The following SLC24A2 variants were observed in gnomAD, a reference collection of about 807,000 sequenced individuals.
SLC24A2 encodes the protein solute carrier family 24 member 2.
A neutral mutation model predicts 62.0 loss-of-function variants in SLC24A2; 36 were observed. That is an observed-to-expected ratio of 0.58 (90% CI 0.44 to 0.77). The LOEUF is 0.77. Ranked by LOEUF, SLC24A2 falls within the 30% of genes least tolerant of loss-of-function variation. The probability of loss-of-function intolerance (pLI) is 0.00; values close to 1 mark genes in which losing one functional copy is unlikely to be tolerated. For synonymous variants in SLC24A2, 358 were observed against 294.0 expected (o/e 1.22, Z -2.23); for missense variants, 846 against 817.9 (o/e 1.03, Z -0.42).
At chr9:20,146,420 AT>A in the SLC24A2 span, among the ~76,000 whole-genome samples, 1 of 152,136 alleles carries the variant, frequency 6.6e-6, no homozygotes, top group Non-Finnish European at 1.5e-5. Flanking sequence ...ATTTTAGGTG[AT>A]AATTAGATAA....
At chr9:20,079,519 T>C in the SLC24A2 span, among the ~76,000 whole-genome samples, 1 of 152,254 alleles carries the variant, frequency 6.6e-6, no homozygotes, top group Non-Finnish European at 1.5e-5. Flanking sequence ...ATGGACATAC[T>C]GCACATTGGC....
chr9:19,566,187 A>C (rs1233996860), intron 7 of SLC24A2, among the ~76,000 whole-genome samples: 2 of 151,230 alleles, frequency 1.3e-5, no homozygotes, highest in African/African-American at 2.4e-5. Context: ...CAACCTACAG[A>C]ATGGGAGAAA....
chr9:19,690,916 T>TGAGAGAGAGAGAGAGA (rs879313636), intron 2 of SLC24A2, among the ~76,000 whole-genome samples: 2 of 124,924 alleles, frequency 1.6e-5, no homozygotes, highest in Non-Finnish European at 3.7e-5. Flanking sequence ...TGTGTGTGCG[T>TGAGAGAGAGAGAGAGA]GTGAGAGAGA....
chr9:19,756,856 G>C (rs1822153647), intron 2 of SLC24A2, among the ~76,000 whole-genome samples: 1 of 137,054 alleles, frequency 7.3e-6, no homozygotes, highest in Non-Finnish European at 1.6e-5. Flanking sequence ...CGTGACATCA[G>C]AAATGTATAA....
chr9:20,215,794 G>T, the SLC24A2 span, among the ~76,000 whole-genome samples: 1 of 151,744 alleles, frequency 6.6e-6, no homozygotes, highest in African/African-American at 2.4e-5. Flanking sequence ...TGCAGGCTGG[G>T]CCTGTGAGAT....
chr9:20,296,863 CCTGA>C, the SLC24A2 span, among the ~76,000 whole-genome samples: 28 of 152,190 alleles, frequency 1.8e-4, no homozygotes, highest in African/African-American at 6.0e-4. Flanking sequence ...TGTTAGTACA[CCTGA>C]CTGTTTATGC....
chr9:20,015,455 C>A, the SLC24A2 span, among the ~76,000 whole-genome samples: 1 of 152,204 alleles, frequency 6.6e-6, no homozygotes, highest in Non-Finnish European at 1.5e-5. Flanking sequence ...GTAAAATCAA[C>A]TCAACATGCT....
At chr9:19,559,883 A>G (rs2132792722) in intron 7 of SLC24A2, among the ~76,000 whole-genome samples, 1 of 152,318 alleles carries the variant, frequency 6.6e-6, no homozygotes, top group East Asian at 1.9e-4. Context: ...AAAATAGAAC[A>G]TTATACTTGA....
At chr9:19,664,859 G>A (rs1407304964) in intron 2 of SLC24A2, among the ~76,000 whole-genome samples, 1 of 152,190 alleles carries the variant, frequency 6.6e-6, no homozygotes, top group East Asian at 1.9e-4. Context: ...AGGGTCCCTA[G>A]AGCCTTCAGA....
At chr9:19,570,752 G>C (rs1248892053) in intron 7 of SLC24A2, among the ~76,000 whole-genome samples, 1 of 152,174 alleles carries the variant, frequency 6.6e-6, no homozygotes, top group African/African-American at 2.4e-5. Context: ...CACAGATGAG[G>C]CAACTAAATT....
the SLC24A2 span, among the ~76,000 whole-genome samples, chr9:19,979,670 A>G: frequency 1.3e-5 from 2 of 152,254 alleles, no homozygotes; most frequent in South Asian, 4.1e-4. Flanking sequence ...TGACTTTAGG[A>G]TGGGCAGCTG....
the SLC24A2 span, among the ~76,000 whole-genome samples, chr9:20,230,901 A>G: frequency 1.3e-5 from 2 of 152,148 alleles, no homozygotes; most frequent in South Asian, 4.1e-4. Flanking sequence ...ATCTTCAATT[A>G]ATTTTTGCAT....
chr9:20,307,373 C>T, the SLC24A2 span, among the ~76,000 whole-genome samples: 3 of 152,202 alleles, frequency 2.0e-5, no homozygotes, highest in African/African-American at 4.8e-5. Flanking sequence ...CTTCTTCACT[C>T]TGTGATTAGT....
the SLC24A2 span, among the ~76,000 whole-genome samples, chr9:20,078,009 G>A: frequency 2.1e-5 from 3 of 143,620 alleles, no homozygotes; most frequent in East Asian, 6.4e-4. Flanking sequence ...CTGGTGAGGA[G>A]GGGCACAGGG....
At chr9:19,735,800 T>C (rs531863672) in intron 2 of SLC24A2, among the ~76,000 whole-genome samples, 3 of 151,558 alleles carry the variant, frequency 2.0e-5, no homozygotes, top group South Asian at 2.1e-4. Flanking sequence ...TAGGTGGGAA[T>C]TGAACAATGA....
the SLC24A2 span, among the ~76,000 whole-genome samples, chr9:20,251,806 A>C: frequency 6.6e-6 from 1 of 152,210 alleles, no homozygotes; most frequent in Non-Finnish European, 1.5e-5. Flanking sequence ...TCCCTCTGTC[A>C]CCCACAACAT....
chr9:19,704,852 T>C (rs1820464211), intron 2 of SLC24A2, among the ~76,000 whole-genome samples: 1 of 152,018 alleles, frequency 6.6e-6, no homozygotes, highest in South Asian at 2.1e-4. Context: ...GCATAGACAT[T>C]TTCAAAACTG....
At chr9:20,184,309 T>C in the SLC24A2 span, among the ~76,000 whole-genome samples, 1 of 152,134 alleles carries the variant, frequency 6.6e-6, no homozygotes, top group African/African-American at 2.4e-5. Flanking sequence ...CCAGCACTTT[T>C]GGAGGCTGAG....
the SLC24A2 span, among the ~76,000 whole-genome samples, chr9:20,224,241 G>A: frequency 4.0e-5 from 6 of 151,702 alleles, no homozygotes; most frequent in East Asian, 1.2e-3. Context: ...AATTTAAAAT[G>A]TTTAGAAGAA....
Sources: allele counts gnomAD v4.1 joint callset (sites outside exome capture counted in the v4.1 genomes callset), GRCh38; gene constraint gnomAD v4.1.1; transcripts MANE v1.5; gene names NCBI Gene and HGNC (gene_info 2026-07-23, HGNC 2026-07-21).